TENM2: variants seen among roughly 807,000 people sequenced by gnomAD.
TENM2 encodes the protein teneurin transmembrane protein 2.
A neutral mutation model predicts 245.2 loss-of-function variants in TENM2; 52 were observed. The observed-to-expected ratio is 0.21, with a 90% CI of 0.17 to 0.27. TENM2 has a LOEUF of 0.27. Ranked by LOEUF, TENM2 falls within the 10% of genes least tolerant of loss-of-function variation. TENM2 has a pLI of 1.00. For missense variants in TENM2, 3,046 were observed against 3,666.8 expected (o/e 0.83, Z 4.37); for synonymous variants, 1,363 against 1,438.9 (o/e 0.95, Z 1.19).
chr5:167,147,338 C>G, the TENM2 span, among the ~76,000 whole-genome samples: 1 of 152,098 alleles, frequency 6.6e-6, no homozygotes, highest in Non-Finnish European at 1.5e-5. Context: ...TAAGTTTTTC[C>G]AAACTGCTTT....
intron 1 of TENM2, among the ~76,000 whole-genome samples, chr5:167,358,819 A>G (rs1457708573): frequency 4.9e-5 from 4 of 82,408 alleles, no homozygotes; most frequent in South Asian, 6.2e-4. Flanking sequence ...ACACACACAC[A>G]CACACACACA....
intron 7 of TENM2, among the ~76,000 whole-genome samples, chr5:168,066,275 T>C (rs1172689799): frequency 6.6e-6 from 1 of 152,182 alleles, no homozygotes; most frequent in Non-Finnish European, 1.5e-5. Context: ...ACACATATCA[T>C]TTAAGCACTT....
At chr5:167,857,678 A>C (rs1771219068) in intron 2 of TENM2, among the ~76,000 whole-genome samples, 1 of 152,198 alleles carries the variant, frequency 6.6e-6, no homozygotes, top group African/African-American at 2.4e-5. Flanking sequence ...GGAAGATAAG[A>C]GTCTAATGTC....
chr5:167,106,731 G>A, the TENM2 span, among the ~76,000 whole-genome samples: 1 of 151,842 alleles, frequency 6.6e-6, no homozygotes, highest in Non-Finnish European at 1.5e-5. Context: ...GTGAAAGCCT[G>A]AGCTGGGCTG....
the TENM2 span, among the ~76,000 whole-genome samples, chr5:167,143,559 T>G: frequency 3.2e-4 from 48 of 152,210 alleles, no homozygotes; most frequent in African/African-American, 1.2e-3. Context: ...GTAAACTCTT[T>G]CTTGTATGAA....
intron 2 of TENM2, among the ~76,000 whole-genome samples, chr5:167,812,534 G>A (rs562004121): frequency 2.6e-5 from 4 of 152,260 alleles, no homozygotes; most frequent in South Asian, 2.1e-4. Context: ...AATGCTGCTC[G>A]TGGACATTTA....
chr5:168,195,374 A>AC, intron 15 of TENM2, 79 bp downstream of exon 17: 4 of 1,504,994 alleles, frequency 2.7e-6, no homozygotes, highest in Non-Finnish European at 3.6e-6. Flanking sequence ...TTGGCTTGGA[A>AC]CCACAGGATT....
intron 3 of TENM2, among the ~76,000 whole-genome samples, chr5:167,951,527 A>G (rs1221369315): frequency 6.6e-6 from 1 of 152,156 alleles, no homozygotes; most frequent in African/African-American, 2.4e-5. Context: ...CCTTGTGTGG[A>G]GTTGTCAGAG....
chr5:168,213,324 A>G (rs1204442739), intron 20 of TENM2, among the ~76,000 whole-genome samples: 4 of 152,034 alleles, frequency 2.6e-5, no homozygotes, highest in African/African-American at 7.2e-5. Flanking sequence ...GACCATCTCA[A>G]CTCCACCCAG....
rs1766994714 is a variant in TENM2 at position 167,471,061 on chromosome 5, TA to T, written c.502+95592del. Among the ~76,000 whole-genome samples the T allele has an allele frequency of 2.6e-5, 4 of 152,290 alleles. No individual in the cohort carries two copies. In the South Asian group the frequency reaches 8.3e-4, roughly 32 times the overall value. On this transcript the variant is annotated intron_variant, in intron 2 of 28. Transcript: ENST00000518659. ...AAATAATGAAAGATAGTTTAAAAAATAAAAGTCTGAAATCCTGAATCTGCAA... is the reference window on the plus strand; with the variant it reads ...AAATAATGAAAGATAGTTTAAAAAATAAAGTCTGAAATCCTGAATCTGCAA...
chr5:167,631,580 T>C (rs1204260473), intron 2 of TENM2, among the ~76,000 whole-genome samples: 3 of 152,060 alleles, frequency 2.0e-5, no homozygotes, highest in Non-Finnish European at 4.4e-5. Context: ...TGACTGCTCC[T>C]CCAATGTGGA....
intron 2 of TENM2, among the ~76,000 whole-genome samples, chr5:167,588,999 G>A (rs1194812374): frequency 2.0e-5 from 3 of 152,090 alleles, no homozygotes; most frequent in Non-Finnish European, 1.5e-5. Flanking sequence ...TCAGGAGTTC[G>A]AGACCAGCCT....
intron 2 of TENM2, among the ~76,000 whole-genome samples, chr5:167,580,394 G>T (rs775679803): frequency 4.4e-4 from 67 of 152,172 alleles, no homozygotes; most frequent in Non-Finnish European, 7.2e-4. Flanking sequence ...CTGCATATAT[G>T]CTGTTGAGAA....
At chr5:168,227,516 CTTTTTT>C (rs56834297) in intron 24 of TENM2, among the ~76,000 whole-genome samples, 1 of 130,622 alleles carries the variant, frequency 7.7e-6, no homozygotes, top group Admixed American at 7.7e-5. Flanking sequence ...ATTTGCCTTT[CTTTTTT>C]TTTTTTTTTT....
intron 25 of TENM2, chr5:168,232,223 G>A (rs2152638734): frequency 6.6e-6 from 1 of 152,416 alleles, no homozygotes; most frequent in Non-Finnish European, 1.5e-5. Context: ...AAAGAAAGAA[G>A]GTAGGGGGAG....
chr5:167,712,040 C>T (rs1758945224), intron 2 of TENM2, among the ~76,000 whole-genome samples: 1 of 152,156 alleles, frequency 6.6e-6, no homozygotes, highest in Non-Finnish European at 1.5e-5. Context: ...GCAGAGCATT[C>T]ATCATCCTAA....
At chr5:167,393,690 A>C (rs1403485324) in intron 2 of TENM2, among the ~76,000 whole-genome samples, 1 of 152,170 alleles carries the variant, frequency 6.6e-6, no homozygotes, top group Non-Finnish European at 1.5e-5. Context: ...TTTGAGCATA[A>C]GAATGTCATG....
chr5:167,002,930 A>G, the TENM2 span, among the ~76,000 whole-genome samples: 11 of 152,262 alleles, frequency 7.2e-5, no homozygotes, highest in South Asian at 2.3e-3. Context: ...TACATGAGAA[A>G]TAATTCAGTA....
intron 13 of TENM2, among the ~76,000 whole-genome samples, chr5:168,164,452 T>C (rs1382048210): frequency 2.6e-5 from 4 of 152,140 alleles, no homozygotes; most frequent in African/African-American, 9.7e-5. Flanking sequence ...AATACAGCCA[T>C]GCCCATTTGT....
Sources: gnomAD v4.1 joint callset for allele counts (sites outside exome capture counted in the v4.1 genomes callset) on GRCh38, gnomAD v4.1.1 for gene constraint, MANE v1.5 for transcripts, NCBI Gene and HGNC (gene_info 2026-07-23, HGNC 2026-07-21) for gene names.